Variants in ANKS1B observed in about 807,000 individuals in gnomAD.
ANKS1B encodes ankyrin repeat and sterile alpha motif domain containing 1B, also known as ankyrin repeat and sterile alpha motif domain-containing protein 1B.
ANKS1B carries 36 observed loss-of-function variants against 148.3 expected under a neutral mutation model. The observed-to-expected ratio is 0.24, with a 90% CI of 0.19 to 0.32. ANKS1B has a LOEUF of 0.32. ANKS1B is among the 10% of genes least tolerant of loss of function. ANKS1B has a pLI of 1.00. For synonymous variants in ANKS1B, 542 were observed against 560.8 expected (o/e 0.97, Z 0.47); for missense variants, 1,157 against 1,542.6 (o/e 0.75, Z 4.19).
In ANKS1B at chr12:98,745,667, A is replaced by G; in HGVS notation, c.*72T>C. 6.3e-7 allele frequency: 1 copy of G among 1,579,684 alleles called. No individual in the cohort carries two copies. Among genetic ancestry groups the G allele is most frequent in the Admixed American group, 1.8e-5 (1 of 56,434 alleles). ...TTCCTCCTGGGCTGGGTGGACGCGG[A>G]GGCGCGAAGGAAAGCCTGCTCCGGG... On this transcript the variant is annotated 3_prime_UTR_variant, in exon 27 of 27. Coordinates refer to ENST00000683438, the MANE Select transcript of ANKS1B (RefSeq NM_001352186.2).
Position 98,798,811 on chromosome 12 carries a change from A to G in ANKS1B, c.3342+123T>C, listed in dbSNP as rs1269083821. 4.2e-6 allele frequency: 3 copies of G among 717,850 alleles called. No individual in the cohort carries two copies. In the African/African-American group the frequency reaches 5.4e-5, roughly 13 times the overall value. 44.5% of individuals were successfully genotyped at this position (717,850 alleles called of 1,614,324 possible). A position where few individuals can be genotyped will look rare whatever the true frequency, so the allele number is the denominator to read the frequency against. ...GAAAGCAAGAGCACCTTTTTATGTA[A>G]TACCAATGTGATTCAGCAGACCAAC... On this transcript the variant is annotated intron_variant, in intron 22 of 26. Coordinates refer to ENST00000683438, the MANE Select transcript of ANKS1B (RefSeq NM_001352186.2).
At chr12:98,947,417 C>A (rs1272186933) in intron 17 of ANKS1B, among the ~76,000 whole-genome samples, 3 of 152,034 alleles carry the variant, frequency 2.0e-5, no homozygotes, top group Non-Finnish European at 4.4e-5. Flanking sequence ...GAAGGCAGAG[C>A]CAACAGGATT....
intron 1 of ANKS1B, among the ~76,000 whole-genome samples, chr12:99,869,518 A>G (rs1040399902): frequency 2.6e-5 from 4 of 152,022 alleles, no homozygotes; most frequent in Admixed American, 2.6e-4. Context: ...ACTAAAAATA[A>G]TAATAATACA....
At chr12:99,860,909 C>T (rs1052053078) in intron 1 of ANKS1B, among the ~76,000 whole-genome samples, 4 of 152,134 alleles carry the variant, frequency 2.6e-5, no homozygotes, top group Non-Finnish European at 4.4e-5. Flanking sequence ...ACATTTGCCC[C>T]AAGGCTGCCT....
At chr12:99,605,899 A>T (rs1266474277) in intron 9 of ANKS1B, among the ~76,000 whole-genome samples, 1 of 152,076 alleles carries the variant, frequency 6.6e-6, no homozygotes. Context: ...TAATTTTTTG[A>T]TGGAATTCCA....
chr12:99,236,905 C>T (rs988881524), intron 14 of ANKS1B, among the ~76,000 whole-genome samples: 5 of 152,040 alleles, frequency 3.3e-5, no homozygotes, highest in African/African-American at 4.8e-5. Flanking sequence ...ATGACGAGAA[C>T]ACATGGACAC....
intron 8 of ANKS1B, among the ~76,000 whole-genome samples, chr12:99,697,329 A>AC (rs1351525547): frequency 6.6e-6 from 1 of 152,190 alleles, no homozygotes; most frequent in Non-Finnish European, 1.5e-5. Flanking sequence ...CTTGGAAGCA[A>AC]CTAAAATGTC....
chr12:98,749,389 G>A (rs1363831816), intron 26 of ANKS1B, among the ~76,000 whole-genome samples: 5 of 152,074 alleles, frequency 3.3e-5, no homozygotes, highest in South Asian at 2.1e-4. Context: ...TTACAGGCGT[G>A]AGCCACCGTG....
At chr12:99,124,766 C>T (rs1427132200) in intron 15 of ANKS1B, among the ~76,000 whole-genome samples, 3 of 151,864 alleles carry the variant, frequency 2.0e-5, no homozygotes, top group African/African-American at 7.3e-5. Flanking sequence ...GAAGGAATGG[C>T]CTGCAAGATG....
intron 1 of ANKS1B, among the ~76,000 whole-genome samples, chr12:99,855,839 GA>G (rs2088933684): frequency 6.6e-6 from 1 of 152,104 alleles, no homozygotes; most frequent in Admixed American, 6.5e-5. Flanking sequence ...AATCAAGATG[GA>G]AATTTAACAG....
At chr12:99,347,105 G>C (rs778361503) in intron 12 of ANKS1B, among the ~76,000 whole-genome samples, 28 of 151,942 alleles carry the variant, frequency 1.8e-4, no homozygotes, top group Non-Finnish European at 3.7e-4. Context: ...TTTCCTGAAG[G>C]ACTAACACAG....
intron 1 of ANKS1B, among the ~76,000 whole-genome samples, chr12:99,922,357 T>C (rs1035470893): frequency 6.6e-6 from 1 of 152,142 alleles, no homozygotes; most frequent in East Asian, 1.9e-4. Context: ...AGGATACATA[T>C]TAAATTTTTT....
intron 17 of ANKS1B, among the ~76,000 whole-genome samples, chr12:98,942,521 G>A (rs1402525251): frequency 6.6e-6 from 1 of 152,172 alleles, no homozygotes; most frequent in African/African-American, 2.4e-5. Context: ...CTCCTGCCAA[G>A]TCTAGGTTAG....
chr12:99,840,441 G>GC (rs2085534067), intron 1 of ANKS1B, among the ~76,000 whole-genome samples: 1 of 152,044 alleles, frequency 6.6e-6, no homozygotes, highest in East Asian at 1.9e-4. Flanking sequence ...GATCTGACTT[G>GC]TATTCTGCTG....
intron 17 of ANKS1B, among the ~76,000 whole-genome samples, chr12:98,849,066 T>C (rs1232414524): frequency 6.6e-6 from 1 of 152,044 alleles, no homozygotes; most frequent in Non-Finnish European, 1.5e-5. Context: ...TGAAGAATTT[T>C]TTAAAGGCCA....
chr12:98,962,858 A>G (rs2099873982), intron 17 of ANKS1B, among the ~76,000 whole-genome samples: 1 of 152,248 alleles, frequency 6.6e-6, no homozygotes, highest in Non-Finnish European at 1.5e-5. Flanking sequence ...TGGGTCAATG[A>G]AGAGATTAAA....
chr12:98,976,191 C>T (rs2153223764), intron 17 of ANKS1B, among the ~76,000 whole-genome samples: 2 of 152,260 alleles, frequency 1.3e-5, no homozygotes, highest in South Asian at 4.1e-4. Context: ...TGTTTAGTTT[C>T]AGCTGAGGAA....
intron 1 of ANKS1B, among the ~76,000 whole-genome samples, chr12:99,826,412 G>A (rs1209443243): frequency 1.3e-5 from 2 of 152,042 alleles, no homozygotes; most frequent in African/African-American, 4.8e-5. Flanking sequence ...AACTAAGGTG[G>A]GTCAATGAAA....
chr12:99,127,278 C>A (rs1444848095), intron 15 of ANKS1B, among the ~76,000 whole-genome samples: 1 of 152,128 alleles, frequency 6.6e-6, no homozygotes, highest in Non-Finnish European at 1.5e-5. Flanking sequence ...ACTGGACTCT[C>A]AAAGTAGTCC....
Sources: gnomAD v4.1 joint callset for allele counts (sites outside exome capture counted in the v4.1 genomes callset) on GRCh38, gnomAD v4.1.1 for gene constraint, MANE v1.5 for transcripts, NCBI Gene and HGNC (gene_info 2026-07-23, HGNC 2026-07-21) for gene names.